Variants in ATP10A observed in about 807,000 individuals in gnomAD.
ATP10A encodes the protein ATPase phospholipid transporting 10A (putative).
ATP10A carries 111 observed loss-of-function variants against 147.8 expected under a neutral mutation model. That is an observed-to-expected ratio of 0.75 (90% CI 0.64 to 0.88). The LOEUF is 0.88. Ranked by LOEUF, ATP10A falls within the 40% of genes least tolerant of loss-of-function variation. The pLI, the probability that ATP10A is intolerant of heterozygous loss-of-function variation, is 0.00. For missense variants in ATP10A, 1,927 were observed against 1,959.0 expected, an observed-to-expected ratio of 0.98 and a Z score of 0.31; for synonymous variants, 875 against 841.6, an observed-to-expected ratio of 1.04 and a Z score of -0.69.
chr15:25,833,556 G>A (rs1345457762), intron 1 of ATP10A, among the ~76,000 whole-genome samples: 2 of 152,136 alleles, frequency 1.3e-5, no homozygotes, highest in African/African-American at 2.4e-5. Context: ...ATTACAAAAT[G>A]GATCACAGTG....
intron 3 of ATP10A, among the ~76,000 whole-genome samples, chr15:25,732,005 A>G (rs1317206560): frequency 6.6e-6 from 1 of 151,946 alleles, no homozygotes; most frequent in East Asian, 1.9e-4. Flanking sequence ...ACAGGTGTGC[A>G]CCACCACACC....
intron 2 of ATP10A, among the ~76,000 whole-genome samples, chr15:25,777,462 C>T (rs1309182723): frequency 6.6e-6 from 1 of 152,094 alleles, no homozygotes; most frequent in Admixed American, 6.5e-5. Context: ...CAGTACAGCC[C>T]CTAAGTACCT....
intron 1 of ATP10A, among the ~76,000 whole-genome samples, chr15:25,789,627 A>T (rs1890322086): frequency 6.6e-6 from 1 of 151,810 alleles, no homozygotes; most frequent in African/African-American, 2.4e-5. Context: ...TACATCACTT[A>T]AAAAAGACCA....
chr15:25,700,607 T>C (rs1282515648), intron 13 of ATP10A, among the ~76,000 whole-genome samples: 2 of 152,180 alleles, frequency 1.3e-5, no homozygotes, highest in African/African-American at 2.4e-5. Context: ...TTCTGTTTAC[T>C]TGACATCTGG....
Position 25,836,635 on chromosome 15 carries a change from C to T in ATP10A, c.449+26013G>A, listed in dbSNP as rs147426590. ...GCCAGAGCTGAGCAGCCTCCCTGTT[C>T]CCTCAGGCAGCTTTGTCCCTACCTC... On this transcript the variant is annotated intron_variant, in intron 1 of 20. Transcript: ENST00000555815. 3.3e-3 allele frequency among the ~76,000 whole-genome samples: 508 copies of T among 152,304 alleles called. 3 individuals are homozygous for T. The highest frequency in any genetic ancestry group is 0.012 in the African/African-American group (485 of 41,568).
chr15:25,754,388 C>T (rs960991837), intron 2 of ATP10A, among the ~76,000 whole-genome samples: 1 of 152,104 alleles, frequency 6.6e-6, no homozygotes, highest in Non-Finnish European at 1.5e-5. Context: ...CCTGCTTTGG[C>T]CTCAAAAGTT....
At chr15:25,715,838 T>C (rs1901763756) in intron 9 of ATP10A, among the ~76,000 whole-genome samples, 1 of 152,138 alleles carries the variant, frequency 6.6e-6, no homozygotes, top group Non-Finnish European at 1.5e-5. Flanking sequence ...GAAGGGATCC[T>C]GGGAGAGTCG....
chr15:25,819,386 C>T (rs1161366691), intron 1 of ATP10A, among the ~76,000 whole-genome samples: 1 of 152,126 alleles, frequency 6.6e-6, no homozygotes, highest in East Asian at 1.9e-4. Context: ...CCTCCTTACA[C>T]CAACCAGAAT....
chr15:25,856,930 A>G (rs1328698764), intron 1 of ATP10A, among the ~76,000 whole-genome samples: 1 of 152,202 alleles, frequency 6.6e-6, no homozygotes, highest in Non-Finnish European at 1.5e-5. Flanking sequence ...ACCCCATAGG[A>G]CAAATAACCC....
In ATP10A at chr15:25,704,289, T is replaced by C. The variant is rs1302875221; in HGVS notation, c.2576-2189A>G. On this transcript the variant is annotated intron_variant, in intron 12 of 20. Coordinates refer to ENST00000555815, the MANE Select transcript of ATP10A (RefSeq NM_024490.4). ...GAGTAAGACTAATAATGGCTAACCT[T>C]GATGGATTACTGACAATTTGCCAGG... 3.3e-5 allele frequency among the ~76,000 whole-genome samples: 5 copies of C among 152,120 alleles called. No homozygotes were observed. The East Asian group carries it at 9.6e-4, about 29-fold the overall frequency.
intron 13 of ATP10A, among the ~76,000 whole-genome samples, chr15:25,701,083 C>T (rs1377811060): frequency 1.3e-5 from 2 of 152,058 alleles, no homozygotes; most frequent in African/African-American, 4.8e-5. Flanking sequence ...GAACAAGGTG[C>T]GAGGGTCACA....
chr15:25,833,838 G>C (rs1223930108), intron 1 of ATP10A, among the ~76,000 whole-genome samples: 2 of 152,154 alleles, frequency 1.3e-5, no homozygotes, highest in African/African-American at 4.8e-5. Context: ...CGGGCGTGGT[G>C]GTGGGCACCT....
chr15:25,775,920 C>G (rs553248543), intron 2 of ATP10A, among the ~76,000 whole-genome samples: 16 of 152,368 alleles, frequency 1.1e-4, no homozygotes, highest in African/African-American at 3.4e-4. Flanking sequence ...TTTCATATCC[C>G]TGTTTCTGCT....
intron 16 of ATP10A, chr15:25,683,772 C>G (rs776379566): frequency 5.5e-5 from 26 of 473,198 alleles, no homozygotes; most frequent in Non-Finnish European, 9.5e-5. Context: ...TTGTGCTTGA[C>G]AAGCTCTGGA....
chr15:25,850,292 C>T (rs926791342), intron 1 of ATP10A, among the ~76,000 whole-genome samples: 1 of 152,224 alleles, frequency 6.6e-6, no homozygotes, highest in African/African-American at 2.4e-5. Context: ...CCTGCCTCGT[C>T]TTTCCTCTCA....
chr15:25,735,003 C>CG (rs774115891), intron 3 of ATP10A, among the ~76,000 whole-genome samples: 7,333 of 129,612 alleles, frequency 0.057, 316 homozygotes, highest in Middle Eastern at 0.1. Flanking sequence ...GTGGTGGGAG[C>CG]GGGGGGGGGG....
At chr15:25,720,098 T>C (rs971527264) in intron 7 of ATP10A, among the ~76,000 whole-genome samples, 3 of 152,178 alleles carry the variant, frequency 2.0e-5, no homozygotes, top group Non-Finnish European at 4.4e-5. Context: ...TGTCAGAATC[T>C]TTCTGTAATC....
At chr15:25,755,079 A>T (rs1448702943) in intron 2 of ATP10A, among the ~76,000 whole-genome samples, 1 of 152,214 alleles carries the variant, frequency 6.6e-6, no homozygotes, top group Admixed American at 6.5e-5. Context: ...CTCTGTCTGA[A>T]CTGCCTTTTT....
intron 2 of ATP10A, among the ~76,000 whole-genome samples, chr15:25,774,977 T>A (rs1402843772): frequency 1.3e-5 from 2 of 152,196 alleles, no homozygotes; most frequent in Admixed American, 6.5e-5. Context: ...TTGTTGACTA[T>A]CCTTGAATGT....
Sources: gnomAD v4.1 joint callset for allele counts (sites outside exome capture counted in the v4.1 genomes callset) on GRCh38, gnomAD v4.1.1 for gene constraint, MANE v1.5 for transcripts, NCBI Gene and HGNC (gene_info 2026-07-23, HGNC 2026-07-21) for gene names.